PPP4C: variants seen among roughly 807,000 people sequenced by gnomAD.
The protein encoded by PPP4C is protein phosphatase 4 catalytic subunit.
A neutral mutation model predicts 40.5 loss-of-function variants in PPP4C; 10 were observed. The ratio of observed to expected loss-of-function variants is 0.25; its 90% confidence interval spans 0.15 to 0.42. The LOEUF (loss-of-function observed/expected upper bound fraction) is 0.42, where lower values mean the gene tolerates loss of function less well. Ranked by LOEUF, PPP4C falls within the 10% of genes least tolerant of loss-of-function variation. PPP4C has a pLI of 1.00. For missense variants in PPP4C, 191 were observed against 416.4 expected, an observed-to-expected ratio of 0.46 and a Z score of 4.71; for synonymous variants, 187 against 163.6, an observed-to-expected ratio of 1.14 and a Z score of -1.09.
intron 5 of PPP4C, 139 bp downstream of exon 5, chr16:30,082,986 G>A (rs2072540195): frequency 1.3e-6 from 1 of 757,544 alleles, no homozygotes; most frequent in African/African-American, 1.8e-5. Context: ...TTCTGCTTTT[G>A]GGGGTGGTCA....
At chr16:30,076,987 CTT>C (rs2072414811) in intron 2 of PPP4C, among the ~76,000 whole-genome samples, 1 of 152,140 alleles carries the variant, frequency 6.6e-6, no homozygotes, top group African/African-American at 2.4e-5. Flanking sequence ...GAAGCCAGCT[CTT>C]AGTGTCCTGT....
chr16:30,076,907 T>C (rs962937611), intron 2 of PPP4C, among the ~76,000 whole-genome samples: 3 of 152,134 alleles, frequency 2.0e-5, no homozygotes, highest in Non-Finnish European at 2.9e-5. Flanking sequence ...TAAAGATTGG[T>C]GGTATTGTAC....
At position 30,083,215 on chromosome 16, in the gene PPP4C, C is replaced by G. The variant is rs992106604; in HGVS notation, c.304-179C>G. 2 of 709,254 alleles carry G rather than the reference C, an allele frequency of 2.8e-6. No individual in the cohort carries two copies. Among genetic ancestry groups the G allele is most frequent in the East Asian group, 2.5e-5 (1 of 39,774 alleles). 43.9% of individuals were successfully genotyped at this position (709,254 alleles called of 1,614,324 possible). A position where few individuals can be genotyped will look rare whatever the true frequency, so the allele number is the denominator to read the frequency against. On this transcript the variant is annotated intron_variant, in intron 5 of 8. Transcript: ENST00000279387. The surrounding 1 kb of genome is among the most constrained non-coding windows in gnomAD (Gnocchi z 6.3). ...TGAGGGAATGGGTCAGCTTTACATT[C>G]TCTGGAGGGGTCGTGTGGGCCTGGG...
At chr16:30,076,877 C>T (rs998195521) in intron 2 of PPP4C, among the ~76,000 whole-genome samples, 3 of 152,168 alleles carry the variant, frequency 2.0e-5, no homozygotes, top group Admixed American at 6.5e-5. Context: ...TTATAAAAGT[C>T]TTCTAATTAC....
At chr16:30,081,208 TTGGGC>T in intron 2 of PPP4C, 46 bp from the exon 3 acceptor site, 1 of 1,611,828 alleles carries the variant, frequency 6.2e-7, no homozygotes, top group East Asian at 2.2e-5. Flanking sequence ...AGGTCAGGAA[TTGGGC>T]TGGGCTGGCC....
intron 8 of PPP4C, 25 bp downstream of exon 8, chr16:30,084,880 A>T (rs564079411): frequency 2.1e-5 from 34 of 1,613,600 alleles, no homozygotes; most frequent in Admixed American, 5.0e-5. Context: ...CCGGGCTGGG[A>T]TGGGCGGGCA....
intron 2 of PPP4C, among the ~76,000 whole-genome samples, chr16:30,080,444 T>TA (rs536758685): frequency 6.9e-6 from 1 of 145,190 alleles, no homozygotes; most frequent in Admixed American, 7.0e-5. Context: ...CAAGGAGAAA[T>TA]AAAAAATATT....
intron 2 of PPP4C, among the ~76,000 whole-genome samples, chr16:30,076,760 C>T (rs1189876946): frequency 2.6e-5 from 4 of 152,128 alleles, no homozygotes; most frequent in African/African-American, 9.7e-5. Flanking sequence ...GGGACGGAAG[C>T]TTGTTGGAGG....
chr16:30,081,441 C>T (rs1293190169), intron 3 of PPP4C, 131 bp downstream of exon 3: 2 of 740,470 alleles, frequency 2.7e-6, no homozygotes, highest in East Asian at 5.3e-5. Context: ...TTCAACGGAG[C>T]ACTGCTAAAA....
At position 30,082,757 on chromosome 16, in the gene PPP4C, C is replaced by G. The variant is rs771289523; in HGVS notation, c.213C>G (p.Asp71Glu). ...CTACTTCCCCACAGGTAGGTGGCGA[C>G]GTCCCTGAGACCAACTACCTCTTCA... ...DLKELFRVGG[D>E]VPETNYLFMG... The change falls in exon 5 of 9, where the codon GAC (aspartate) becomes GAG (glutamate). Residue 71 changes from aspartate (D) to glutamate (E), a missense_variant. Physicochemically the swap from Asp to Glu is conservative, Grantham distance 45. Transcript: ENST00000279387. 1 of 1,613,814 alleles carries G rather than the reference C, an allele frequency of 6.2e-7. No individual in the cohort carries two copies. Among genetic ancestry groups the G allele is most frequent in the Non-Finnish European group, 8.5e-7 (1 of 1,179,822 alleles).
intron 2 of PPP4C, among the ~76,000 whole-genome samples, chr16:30,080,993 T>A (rs2072495295): frequency 6.6e-6 from 1 of 150,984 alleles, no homozygotes; most frequent in African/African-American, 2.4e-5. Context: ...GCAGGGGGAG[T>A]CAGGGCTGGA....
chr16:30,082,881 G>A, intron 5 of PPP4C, 34 bp downstream of exon 5: 1 of 1,572,972 alleles, frequency 6.4e-7, no homozygotes, highest in South Asian at 1.1e-5. Flanking sequence ...CCCCAACCTG[G>A]GCGACCTCGG....
chr16:30,076,047 A>C lies in PPP4C; in HGVS notation c.-111A>C. The stretch of plus-strand genomic sequence containing the variant: ...GCGGCGGCGGTCGAAAGCGGAGTGA[A>C]AGAGGGAGGCAGGGAGCCGGAGAGC... On this transcript the variant is annotated 5_prime_UTR_variant, in exon 1 of 9. Coordinates refer to ENST00000279387, the MANE Select transcript of PPP4C (RefSeq NM_002720.3). 2 of 394,088 alleles carry C rather than the reference A, an allele frequency of 5.1e-6. No homozygotes were observed. The highest frequency in any genetic ancestry group is 4.6e-6 in the Non-Finnish European group (1 of 217,640). 24.4% of individuals were successfully genotyped at this position (394,088 alleles called of 1,614,324 possible).
chr16:30,081,098 C>A, intron 2 of PPP4C, 161 bp from the exon 3 acceptor site: 2 of 925,564 alleles, frequency 2.2e-6, no homozygotes, highest in Non-Finnish European at 3.4e-6. Flanking sequence ...GTGTTGCATG[C>A]TGAAGGGCCG....
chr16:30,082,953 C>A, intron 5 of PPP4C, 106 bp downstream of exon 5: 3 of 978,066 alleles, frequency 3.1e-6, no homozygotes, highest in Non-Finnish European at 3.1e-6. Flanking sequence ...CACCTTGGAG[C>A]TGTGTCACTG....
chr16:30,082,174 T>A (rs1199220224), intron 3 of PPP4C, among the ~76,000 whole-genome samples: 1 of 152,218 alleles, frequency 6.6e-6, no homozygotes, highest in Non-Finnish European at 1.5e-5. Flanking sequence ...TCTGCTCACA[T>A]ATCTCCAGGG....
chr16:30,084,054 A>G (rs562281309), intron 7 of PPP4C, among the ~76,000 whole-genome samples: 1 of 152,342 alleles, frequency 6.6e-6, no homozygotes, highest in East Asian at 1.9e-4. Flanking sequence ...GAACCCCAGA[A>G]TGGTAGCCCC....
rs1468036636 is a variant in PPP4C, at chr16:30,082,993, G to T, written c.303+146G>T. 4.2e-6 allele frequency: 3 copies of T among 713,336 alleles called. No individual in the cohort carries two copies. The African/African-American group carries it at 5.4e-5, about 13-fold the overall frequency. 44.2% of individuals were successfully genotyped at this position (713,336 alleles called of 1,614,324 possible). A position where few individuals can be genotyped will look rare whatever the true frequency, so the allele number is the denominator to read the frequency against. On this transcript the variant is annotated intron_variant, in intron 5 of 8. Transcript: ENST00000279387. The stretch of plus-strand genomic sequence containing the variant: ...TGGACCGATTCTGCTTTTGGGGGTG[G>T]TCAGAGACTTGATGGGGGTTGAGGC...
At position 30,083,824 on chromosome 16, in the gene PPP4C, G is replaced by A. The variant is rs1053839488; in HGVS notation, c.604+43G>A. ...GGGGCAGGCAGGGACAGCCAGGAGGGGTTGGGAAAGAGAGGGAGCAGGGCT... is the reference window on the plus strand; with the variant it reads ...GGGGCAGGCAGGGACAGCCAGGAGGAGTTGGGAAAGAGAGGGAGCAGGGCT... On this transcript the variant is annotated intron_variant, in intron 7 of 8. Transcript: ENST00000279387. This position sits in a 1 kb window ranked among gnomAD's most constrained non-coding sequence, Gnocchi z 6.3. 6.2e-7 allele frequency: 1 copy of A among 1,608,280 alleles called. No individual in the cohort carries two copies. The highest frequency in any genetic ancestry group is 1.1e-5 in the South Asian group (1 of 91,044).
Sources: gnomAD v4.1 joint callset for allele counts (sites outside exome capture counted in the v4.1 genomes callset) on GRCh38, gnomAD v4.1.1 for gene constraint, Gnocchi (gnomAD v3.1) non-coding constraint, MANE v1.5 for transcripts, NCBI Gene and HGNC (gene_info 2026-07-23, HGNC 2026-07-21) for gene names.